Variants in MOCS1 observed in about 807,000 individuals in gnomAD.
MOCS1 encodes the protein molybdenum cofactor biosynthesis protein 1.
In MOCS1, 39 loss-of-function variants were observed where a neutral mutation model predicts 57.6. The ratio of observed to expected loss-of-function variants is 0.68; its 90% CI spans 0.52 to 0.88. The LOEUF is 0.88. Ranked by LOEUF, MOCS1 falls within the 40% of genes least tolerant of loss-of-function variation. MOCS1 has a pLI of 0.00. For missense variants in MOCS1, 795 were observed against 831.1 expected (o/e 0.96, Z 0.53); for synonymous variants, 334 against 335.7 (o/e 1.00, Z 0.05).
Position 39,904,494 on chromosome 6 carries a change from C to A in MOCS1, c.*1863G>T, listed in dbSNP as rs1037287981. The A allele has an allele frequency of 2.2e-5, 10 of 454,408 alleles. No homozygotes were observed. The highest frequency in any genetic ancestry group is 1.8e-4 in the African/African-American group (9 of 50,102). The allele number at this position is 454,408 out of a possible 1,614,324, so 28.1% of individuals were successfully genotyped here. A position where few individuals can be genotyped will look rare whatever the true frequency, so the allele number is the denominator to read the frequency against. ...GCTCCTGCCACCTTTAGATAAGTTT[C>A]TCTAGCTAATTTTGTGGCCAATGTA... On this transcript the variant is annotated 3_prime_UTR_variant, in exon 11 of 11. Coordinates refer to ENST00000340692, the MANE Select transcript of MOCS1 (RefSeq NM_001358530.2).
chr6:39,916,344 C>G (rs1767661719), intron 3 of MOCS1, 112 bp from the exon 4 acceptor site: 2 of 1,276,762 alleles, frequency 1.6e-6, no homozygotes, highest in Non-Finnish European at 2.2e-6. Flanking sequence ...AAAAGAGGCT[C>G]TCTGCAGACC....
Position 39,925,720 on chromosome 6 carries a change from C to A in MOCS1, c.376G>T (p.Gly126Cys). Reference protein sequence around the residue: ...KEGIDKIRLTGGEPLIRPDVV... With the variant: ...KEGIDKIRLTCGEPLIRPDVV... The stretch of plus-strand genomic sequence containing the variant: ...TCCGGCCGGATAAGCGGCTCTCCAC[C>A]TGTGAGCCGGATCTTGTCGATGCCT... Residue 126 changes from glycine (G) to cysteine (C), a missense_variant, in exon 3 of 11, where the codon GGT becomes TGT. By Grantham distance (159) the Gly-to-Cys change is radical. Transcript: ENST00000340692. 4 of 1,612,842 alleles carry A rather than the reference C, an allele frequency of 2.5e-6. No individual in the cohort carries two copies. Among genetic ancestry groups the A allele is most frequent in the Non-Finnish European group, 3.4e-6 (4 of 1,179,984 alleles).
At position 39,915,384 on chromosome 6, in the gene MOCS1, C is replaced by A. The variant is rs146576822; in HGVS notation, c.583+684G>T. ...AGATCTGGGTCTCCCTGCCACCCCTCTGATCCTCCAGAGTCCTCAGTCATG... is the reference window on the plus strand; with the variant it reads ...AGATCTGGGTCTCCCTGCCACCCCTATGATCCTCCAGAGTCCTCAGTCATG... On this transcript the variant is annotated intron_variant, in intron 4 of 10. Transcript: ENST00000340692. 4.8e-3 allele frequency among the ~76,000 whole-genome samples: 736 copies of A among 152,240 alleles called. 6 individuals are homozygous for A. Among genetic ancestry groups the A allele is most frequent in the Non-Finnish European group, 6.5e-3 (442 of 68,008 alleles).
At chr6:39,925,603 T>G (rs1311128796) in intron 3 of MOCS1, 75 bp downstream of exon 3, 2 of 1,566,262 alleles carry the variant, frequency 1.3e-6, no homozygotes, top group East Asian at 4.5e-5. Context: ...CAGCTGCCAC[T>G]GTTAACATCG....
In MOCS1 at chr6:39,905,706, C is replaced by CTGTT. The variant is rs776548143; in HGVS notation, c.*647_*650dup. 29 of 471,124 alleles carry CTGTT rather than the reference C, an allele frequency of 6.2e-5. No homozygotes were observed. The highest frequency in any genetic ancestry group is 3.7e-4 in the South Asian group (24 of 64,568). The allele number at this position is 471,124 out of a possible 1,614,324, so 29.2% of individuals were successfully genotyped here. ...GGGCTATGGCCCATGTGTGCACATC[C>CTGTT]TGTTTCAGAAGAGGGGGGCCAGAGG... On this transcript the variant is annotated 3_prime_UTR_variant, in exon 11 of 11. Coordinates refer to ENST00000340692, the MANE Select transcript of MOCS1 (RefSeq NM_001358530.2).
chr6:39,928,652 C>T (rs1218595707), intron 1 of MOCS1, among the ~76,000 whole-genome samples: 3 of 152,228 alleles, frequency 2.0e-5, no homozygotes, highest in Non-Finnish European at 4.4e-5. Flanking sequence ...CTGGTTTCTG[C>T]AGTAGGTATG....
intron 3 of MOCS1, among the ~76,000 whole-genome samples, chr6:39,918,926 C>T (rs1337868826): frequency 6.6e-6 from 1 of 151,950 alleles, no homozygotes; most frequent in East Asian, 1.9e-4. Flanking sequence ...GGAAAATTAG[C>T]AGTGGTTGTT....
intron 3 of MOCS1, among the ~76,000 whole-genome samples, chr6:39,923,765 G>A (rs538825146): frequency 1.8e-4 from 28 of 152,378 alleles, no homozygotes; most frequent in African/African-American, 6.0e-4. Flanking sequence ...CATGGGGCAG[G>A]AGGGAGAAGA....
Position 39,906,462 on chromosome 6 carries a change from G to A in MOCS1, c.1806C>T (p.Leu602=), listed in dbSNP as rs752035322. Residue 602 remains leucine (L), a synonymous_variant, in exon 11 of 11, where the codon CTC becomes CTT. Coordinates refer to ENST00000340692, the MANE Select transcript of MOCS1 (RefSeq NM_001358530.2). ...CAGCCTTGCACATGTCATACAGGGT[G>A]AGGGCGGCCACTGCAGCAGAGGTCA... ...EALTSAAVAA[L]TLYDMCKAVS... 17 of 1,613,744 alleles carry A rather than the reference G, an allele frequency of 1.1e-5. No individual in the cohort carries two copies. Among genetic ancestry groups the A allele is most frequent in the Admixed American group, 1.7e-5 (1 of 60,022 alleles).
Position 39,934,281 on chromosome 6 carries a change from C to CG in MOCS1, c.123+13dup. On this transcript the variant is annotated intron_variant, in intron 1 of 10. Coordinates refer to ENST00000340692, the MANE Select transcript of MOCS1 (RefSeq NM_001358530.2). ...TGCCCCGGGAAGCTGTGGACGCAGGCGGGGTGGGCTCACCTCCGAGGCAGC... is the reference window on the plus strand; with the variant it reads ...TGCCCCGGGAAGCTGTGGACGCAGGCGGGGGTGGGCTCACCTCCGAGGCAGC... The CG allele has an allele frequency of 6.5e-7, 1 of 1,534,414 alleles. No homozygotes were observed. The highest frequency in any genetic ancestry group is 8.7e-7 in the Non-Finnish European group (1 of 1,146,170).
At chr6:39,909,771 C>T in intron 9 of MOCS1, 64 bp downstream of exon 9, 1 of 1,603,274 alleles carries the variant, frequency 6.2e-7, no homozygotes, top group Non-Finnish European at 8.5e-7. Context: ...CACAACTCCA[C>T]ACCTCCCTCC....
intron 3 of MOCS1, among the ~76,000 whole-genome samples, chr6:39,922,310 A>G (rs1768015103): frequency 6.6e-6 from 1 of 152,232 alleles, no homozygotes; most frequent in South Asian, 2.1e-4. Flanking sequence ...CTCTATGGCA[A>G]GCTTGTCCAA....
rs749111208 is a variant in MOCS1 at position 39,908,999 on chromosome 6, C to T, written c.1150+56G>A. On this transcript the variant is annotated intron_variant, in intron 10 of 10. Transcript: ENST00000340692. ...GGGGTGCCTATGGCACGGCTCCCAC[C>T]CCACGAGATCCCCAAATGACAAGGG... The T allele has an allele frequency of 5.3e-6, 8 of 1,517,184 alleles. No individual in the cohort carries two copies. In the East Asian group the frequency reaches 1.8e-4, roughly 34 times the overall value. 94.0% of individuals were successfully genotyped at this position (1,517,184 alleles called of 1,614,324 possible). A position where few individuals can be genotyped will look rare whatever the true frequency, so the allele number is the denominator to read the frequency against.
At position 39,927,464 on chromosome 6, in the gene MOCS1, A is replaced by G. The variant is rs775527307; in HGVS notation, c.124-9T>C. On this transcript the variant is annotated splice_polypyrimidine_tract_variant and intron_variant, in intron 1 of 10. Transcript: ENST00000340692. Reference sequence around the variant, plus strand: ...CTCCGCCTGGACACCTCCTGCGAGGACAGACCAGGGAGGAAGCATGGGCCC... The same window carrying G: ...CTCCGCCTGGACACCTCCTGCGAGGGCAGACCAGGGAGGAAGCATGGGCCC... 1.2e-6 allele frequency: 2 copies of G among 1,610,434 alleles called. No individual in the cohort carries two copies. Among genetic ancestry groups the G allele is most frequent in the South Asian group, 1.1e-5 (1 of 90,632 alleles).
Position 39,906,779 on chromosome 6 carries a change from C to A in MOCS1, c.1489G>T (p.Gly497Cys). The change falls in exon 11 of 11, where the codon GGC becomes TGC. Residue 497 changes from glycine to cysteine, a missense_variant. This residue lies in a region of MOCS1 where 374 missense variants were observed against 422.6 expected (regional missense o/e 0.89). Transcript: ENST00000340692. ...SEGRAAMVDVGRKPDTERVAV... is the reference protein window; with the variant it reads ...SEGRAAMVDVCRKPDTERVAV... The stretch of plus-strand genomic sequence containing the variant: ...ACCCGCTCTGTGTCTGGCTTCCTGC[C>A]CACATCTACCATAGCTGCCCGTCCT... The A allele has an allele frequency of 6.2e-7, 1 of 1,614,216 alleles. No homozygotes were observed. Among genetic ancestry groups the A allele is most frequent in the Non-Finnish European group, 8.5e-7 (1 of 1,180,040 alleles).
At position 39,912,366 on chromosome 6, in the gene MOCS1, T is replaced by C. The variant is rs151087292; in HGVS notation, c.879A>G (p.Lys293=). 1.2e-6 allele frequency: 2 copies of C among 1,613,398 alleles called. No homozygotes were observed. The highest frequency in any genetic ancestry group is 2.7e-5 in the African/African-American group (2 of 74,864). The change falls in exon 8 of 11, where the codon AAA becomes AAG. Residue 293 remains lysine, a synonymous_variant. Transcript: ENST00000340692. ...EEESSTAKAF[K]IPGFQGQISF... The stretch of plus-strand genomic sequence containing the variant: ...TGATCTGGCCTTGGAAGCCAGGGAT[T>C]TTAAAGGCCTGGGCAGGGGAGAGTG...
At chr6:39,917,702 C>A (rs1039944846) in intron 3 of MOCS1, among the ~76,000 whole-genome samples, 1 of 152,110 alleles carries the variant, frequency 6.6e-6, no homozygotes, top group Non-Finnish European at 1.5e-5. Flanking sequence ...GGAGAAGGAA[C>A]AGTGATAACA....
At chr6:39,929,081 G>C (rs1020205843) in intron 1 of MOCS1, among the ~76,000 whole-genome samples, 28 of 152,280 alleles carry the variant, frequency 1.8e-4, no homozygotes, top group Non-Finnish European at 3.8e-4. Context: ...AAAGATAAGA[G>C]ACATGAGAGT....
chr6:39,934,326 C>G lies in MOCS1; in HGVS notation c.92G>C (p.Cys31Ser), dbSNP rs1343133975. The change falls in exon 1 of 11, where the codon TGC (cysteine) becomes TCC (serine). Residue 31 changes from cysteine to serine, a missense_variant. Cys to Ser is a moderately radical substitution (Grantham distance 112). Around this residue, in one of 3 missense-constraint regions of MOCS1, gnomAD observed 416 missense variants for 392.4 expected, o/e 1.06. Coordinates refer to ENST00000340692, the MANE Select transcript of MOCS1 (RefSeq NM_001358530.2). ...CSSGAPVTQP[C>S]PGESARAASE... ...GGCAGCTCGCGCGGACTCCCCGGGG[C>G]AGGGCTGGGTCACCGGAGCCCCTGA... The G allele has an allele frequency of 6.5e-7, 1 of 1,549,992 alleles. No homozygotes were observed. The highest frequency in any genetic ancestry group is 8.7e-7 in the Non-Finnish European group (1 of 1,152,366).
Sources: gnomAD v4.1 joint callset for allele counts (sites outside exome capture counted in the v4.1 genomes callset) on GRCh38, gnomAD v4.1.1 for gene constraint, gnomAD v4.1.1 regional missense constraint, MANE v1.5 for transcripts, NCBI Gene and HGNC (gene_info 2026-07-23, HGNC 2026-07-21) for gene names.